Variants in SPRY3 observed in about 807,000 individuals in gnomAD.
SPRY3 encodes sprouty RTK signaling antagonist 3, also known as protein sprouty homolog 3.
Under a neutral mutation model 20.2 loss-of-function variants are expected in SPRY3, and 15 were observed. The ratio of observed to expected loss-of-function variants is 0.74; its 90% CI spans 0.50 to 1.14. SPRY3 has a LOEUF of 1.14. SPRY3 is among the 50% of genes most tolerant of loss of function. The probability of loss-of-function intolerance (pLI) is 0.00; values close to 1 mark genes in which losing one functional copy is unlikely to be tolerated. For missense variants in SPRY3, 364 were observed against 363.9 expected (o/e 1.00, Z 0.00); for synonymous variants, 143 against 136.5 (o/e 1.05, Z -0.33).
chrX:155,750,785 C>T (rs1052591787), intron 2 of SPRY3, among the ~76,000 whole-genome samples: 6 of 151,728 alleles, frequency 4.0e-5, no homozygotes, highest in African/African-American at 7.3e-5. Flanking sequence ...CACAGCATTG[C>T]CAAGCAGCTC....
chrX:155,767,787 G>A (rs1410780887), intron 2 of SPRY3, 175 bp from the exon 2 acceptor site: 1 of 152,036 alleles, frequency 6.6e-6, no homozygotes, highest in African/African-American at 2.5e-5. Context: ...AGGAGGAGGT[G>A]AACAACTTAC....
intron 2 of SPRY3, among the ~76,000 whole-genome samples, chrX:155,697,983 C>T (rs1173117318): frequency 9.0e-6 from 1 of 110,914 alleles, no homozygotes; most frequent in Non-Finnish European, 1.9e-5. Flanking sequence ...GTATTATTAT[C>T]ATATATCAAG....
intron 1 of SPRY3, among the ~76,000 whole-genome samples, chrX:155,640,452 A>G (rs1557351318): frequency 8.9e-6 from 1 of 112,550 alleles, no homozygotes; most frequent in African/African-American, 3.2e-5. Flanking sequence ...ACCTCAATCT[A>G]TAGAAAATAT....
intron 1 of SPRY3, among the ~76,000 whole-genome samples, chrX:155,624,563 C>G (rs1479225059): frequency 9.3e-6 from 1 of 107,660 alleles, no homozygotes; most frequent in Non-Finnish European, 1.9e-5. Flanking sequence ...TATCTATCAT[C>G]TATCATCTAT....
intron 2 of SPRY3, among the ~76,000 whole-genome samples, chrX:155,748,175 C>T (rs2091238325): frequency 6.6e-6 from 1 of 151,672 alleles, no homozygotes; most frequent in Admixed American, 6.6e-5. Flanking sequence ...TGGTAAGTAC[C>T]AGAGATGTGT....
intron 2 of SPRY3, among the ~76,000 whole-genome samples, chrX:155,722,886 A>T (rs2091069581): frequency 6.6e-6 from 1 of 152,148 alleles, no homozygotes; most frequent in African/African-American, 2.4e-5. Flanking sequence ...GCAACCATCA[A>T]CTCATCATTT....
At chrX:155,660,273 A>G (rs1557353541) in intron 2 of SPRY3, among the ~76,000 whole-genome samples, 1 of 112,108 alleles carries the variant, frequency 8.9e-6, no homozygotes, top group African/African-American at 3.2e-5. Flanking sequence ...TAATATCATC[A>G]TCTACCCACA....
chrX:155,712,109 A>C (rs1228143631), intron 2 of SPRY3, among the ~76,000 whole-genome samples: 6 of 151,948 alleles, frequency 3.9e-5, no homozygotes, highest in Non-Finnish European at 8.8e-5. Context: ...TTGTTACCTA[A>C]CATATGATCT....
intron 2 of SPRY3, among the ~76,000 whole-genome samples, chrX:155,714,417 A>C (rs1297726569): frequency 3.9e-5 from 6 of 152,308 alleles, no homozygotes; most frequent in African/African-American, 1.2e-4. Flanking sequence ...TTGCAGACTC[A>C]TAGAGGTACC....
intron 2 of SPRY3, among the ~76,000 whole-genome samples, chrX:155,766,512 G>A (rs184546915): frequency 6.6e-6 from 1 of 152,100 alleles, no homozygotes; most frequent in Non-Finnish European, 1.5e-5. Flanking sequence ...TTATAGATGA[G>A]GTAACCAAAG....
At chrX:155,632,446 T>C (rs1302430784) in intron 1 of SPRY3, among the ~76,000 whole-genome samples, 2 of 111,803 alleles carry the variant, frequency 1.8e-5, no homozygotes, top group African/African-American at 6.5e-5. Flanking sequence ...TCTGCTGTCC[T>C]GTGCCAGGCT....
chrX:155,704,112 G>A (rs1392280206), intron 2 of SPRY3, among the ~76,000 whole-genome samples: 5 of 151,680 alleles, frequency 3.3e-5, no homozygotes, highest in Admixed American at 6.6e-5. Context: ...AAAATATTAT[G>A]AGGCATGTGA....
At chrX:155,739,062 G>T (rs1057449052) in intron 2 of SPRY3, among the ~76,000 whole-genome samples, 5 of 152,218 alleles carry the variant, frequency 3.3e-5, no homozygotes, top group African/African-American at 1.2e-4. Flanking sequence ...TTCCTGGGGG[G>T]AGGGGCAGAT....
intron 2 of SPRY3, among the ~76,000 whole-genome samples, chrX:155,761,204 A>T (rs1274547132): frequency 6.6e-6 from 1 of 151,924 alleles, no homozygotes; most frequent in African/African-American, 2.4e-5. Context: ...ACCTATCCTA[A>T]TTTCTCTTCA....
At chrX:155,645,232 CT>C (rs1332492175) in intron 1 of SPRY3, among the ~76,000 whole-genome samples, 3 of 112,044 alleles carry the variant, frequency 2.7e-5, no homozygotes, top group African/African-American at 9.7e-5. Flanking sequence ...TCCCTCTCTT[CT>C]TTTCAAGTAG....
intron 1 of SPRY3, among the ~76,000 whole-genome samples, chrX:155,622,341 G>A (rs1222342196): frequency 2.7e-5 from 3 of 111,971 alleles, no homozygotes; most frequent in African/African-American, 9.7e-5. Context: ...ACTCCATGCT[G>A]TAAAATCAGT....
downstream of SPRY3, chrX:155,778,912 A>G (rs764763563): frequency 6.0e-6 from 1 of 167,166 alleles, no homozygotes; most frequent in African/African-American, 2.4e-5. Context: ...TTTGAAGCAA[A>G]AGCTATGTAC....
At chrX:155,649,139 C>T (rs1177823148) in intron 1 of SPRY3, among the ~76,000 whole-genome samples, 5 of 111,363 alleles carry the variant, frequency 4.5e-5, no homozygotes, top group African/African-American at 1.6e-4. Flanking sequence ...AGCCTACCAA[C>T]CAAAAAAAGC....
intron 1 of SPRY3, among the ~76,000 whole-genome samples, chrX:155,656,117 G>A (rs781831582): frequency 2.7e-5 from 3 of 111,204 alleles, no homozygotes; most frequent in East Asian, 5.7e-4. Flanking sequence ...GGTGTTCTCT[G>A]TATTTCCTGA....
Sources: allele counts gnomAD v4.1 joint callset (sites outside exome capture counted in the v4.1 genomes callset), GRCh38; gene constraint gnomAD v4.1.1; transcripts MANE v1.5; gene names NCBI Gene and HGNC (gene_info 2026-07-23, HGNC 2026-07-21).